The following GLRA3 variants were observed in gnomAD, a reference collection of about 807,000 sequenced individuals.
The protein encoded by GLRA3 is glycine receptor alpha 3, also known as glycine receptor subunit alpha-3.
In GLRA3, 44 loss-of-function variants were observed where a neutral mutation model predicts 60.4. That is an observed-to-expected ratio of 0.73 (90% CI 0.57 to 0.94). GLRA3 has a LOEUF of 0.94. Ranked by LOEUF, GLRA3 falls within the 40% of genes least tolerant of loss-of-function variation. GLRA3 has a pLI of 0.00. For synonymous variants in GLRA3, 223 were observed against 192.9 expected, an observed-to-expected ratio of 1.16 and a Z score of -1.29; for missense variants, 508 against 564.6, an observed-to-expected ratio of 0.90 and a Z score of 1.02.
chr4:174,645,629 T>C (rs1165409199), intron 9 of GLRA3, among the ~76,000 whole-genome samples: 6 of 152,104 alleles, frequency 3.9e-5, no homozygotes, highest in Non-Finnish European at 7.4e-5. Context: ...CAAAAGTATA[T>C]GATTATTGGA....
chr4:174,707,050 T>A (rs1735545323), intron 5 of GLRA3, among the ~76,000 whole-genome samples: 1 of 152,234 alleles, frequency 6.6e-6, no homozygotes, highest in Non-Finnish European at 1.5e-5. Context: ...CTCAGCAAGA[T>A]ATCTGATGAA....
intron 7 of GLRA3, among the ~76,000 whole-genome samples, chr4:174,673,390 C>T (rs968707603): frequency 6.6e-6 from 1 of 152,046 alleles, no homozygotes; most frequent in Non-Finnish European, 1.5e-5. Context: ...ATTATTATTA[C>T]TATCTCCTCT....
chr4:174,670,058 C>T (rs1733844969), intron 7 of GLRA3, among the ~76,000 whole-genome samples: 1 of 152,094 alleles, frequency 6.6e-6, no homozygotes, highest in South Asian at 2.1e-4. Context: ...GGAGTTTTAC[C>T]ATCATTTTTT....
intron 2 of GLRA3, among the ~76,000 whole-genome samples, chr4:174,775,523 GA>G (rs1738565090): frequency 6.6e-6 from 1 of 152,014 alleles, no homozygotes; most frequent in Non-Finnish European, 1.5e-5. Flanking sequence ...GATAACATAA[GA>G]AAACAAAAAT....
At chr4:174,812,230 T>A (rs1303056651) in intron 1 of GLRA3, among the ~76,000 whole-genome samples, 1 of 152,082 alleles carries the variant, frequency 6.6e-6, no homozygotes, top group Non-Finnish European at 1.5e-5. Context: ...TCAATAAGAT[T>A]CAGGACATAA....
At chr4:174,663,881 C>A (rs1561040385) in intron 7 of GLRA3, among the ~76,000 whole-genome samples, 1 of 152,166 alleles carries the variant, frequency 6.6e-6, no homozygotes, top group Non-Finnish European at 1.5e-5. Context: ...ACCACCTTCC[C>A]AAAAGACCCA....
intron 5 of GLRA3, among the ~76,000 whole-genome samples, chr4:174,698,286 G>A (rs545412240): frequency 2.6e-5 from 4 of 152,080 alleles, no homozygotes; most frequent in Non-Finnish European, 5.9e-5. Flanking sequence ...CAAACTCCGG[G>A]ACAAAAGTGA....
At chr4:174,692,520 T>A (rs1238190696) in intron 5 of GLRA3, among the ~76,000 whole-genome samples, 1 of 150,134 alleles carries the variant, frequency 6.7e-6, no homozygotes, top group Non-Finnish European at 1.5e-5. Context: ...GGGGAAAAGA[T>A]TGAGAAATCG....
Position 174,642,099 on chromosome 4 carries a change from TTATA to T in GLRA3, c.*1683_*1686del. The T allele has an allele frequency of 3.4e-6, 3 of 887,186 alleles. No individual in the cohort carries two copies. In the South Asian group the frequency reaches 1.6e-4, roughly 46 times the overall value. 55.0% of individuals were successfully genotyped at this position (887,186 alleles called of 1,614,324 possible). ...TCCTTATAGTGTTGTTTTAAGTTACTTATAAAGGAGGGGAACTTGGTCTTTTACT... is the reference window on the plus strand; with the variant it reads ...TCCTTATAGTGTTGTTTTAAGTTACTAAGGAGGGGAACTTGGTCTTTTACT... On this transcript the variant is annotated 3_prime_UTR_variant, in exon 10 of 10. Coordinates refer to ENST00000274093, the MANE Select transcript of GLRA3 (RefSeq NM_006529.4).
intron 1 of GLRA3, among the ~76,000 whole-genome samples, chr4:174,795,749 T>C (rs1739540660): frequency 6.6e-6 from 1 of 152,192 alleles, no homozygotes. Flanking sequence ...CAGTAAAGTA[T>C]ATAAAACACA....
chr4:174,806,824 C>T (rs72708272), intron 1 of GLRA3, among the ~76,000 whole-genome samples: 19,098 of 151,744 alleles, frequency 0.13, 1,282 homozygotes, highest in South Asian at 0.17. Context: ...CTATAGACAC[C>T]CATATACATA....
rs553306775 is a variant in GLRA3 at position 174,689,756 on chromosome 4, T to TAAAAAAAAAAAAAA, written c.575-6831_575-6818dup. ...AAAGGCACAGAGTGGTAAGTCGCATTAAAAAAAAAAAAAAAAAAAAAAAAA... is the reference window on the plus strand; with the variant it reads ...AAAGGCACAGAGTGGTAAGTCGCATTAAAAAAAAAAAAAAAAAAAAAAAAAAAAAAAAAAAAAAA... On this transcript the variant is annotated intron_variant, in intron 5 of 9. Coordinates refer to ENST00000274093, the MANE Select transcript of GLRA3 (RefSeq NM_006529.4). Among the ~76,000 whole-genome samples, 21 of 39,540 alleles carry TAAAAAAAAAAAAAA rather than the reference T, an allele frequency of 5.3e-4. 5 individuals are homozygous for TAAAAAAAAAAAAAA. Among genetic ancestry groups the TAAAAAAAAAAAAAA allele is most frequent in the Non-Finnish European group, 6.3e-4 (14 of 22,378 alleles). The allele number at this position is 39,540 out of a possible 152,430, so 25.9% of individuals were successfully genotyped here.
chr4:174,689,606 A>T (rs1240502650), intron 5 of GLRA3, among the ~76,000 whole-genome samples: 1 of 151,670 alleles, frequency 6.6e-6, no homozygotes, highest in Non-Finnish European at 1.5e-5. Context: ...TCCTCTGTCT[A>T]TCATTCTACA....
At chr4:174,812,601 G>A (rs975401116) in intron 1 of GLRA3, among the ~76,000 whole-genome samples, 2 of 152,042 alleles carry the variant, frequency 1.3e-5, no homozygotes, top group African/African-American at 4.8e-5. Context: ...GGTAAGGACA[G>A]GTAAATATAG....
intron 1 of GLRA3, among the ~76,000 whole-genome samples, chr4:174,805,087 AG>A (rs1394788377): frequency 6.6e-6 from 1 of 152,052 alleles, no homozygotes; most frequent in Non-Finnish European, 1.5e-5. Flanking sequence ...CTATGTTTGC[AG>A]TTCGATTTTT....
intron 5 of GLRA3, among the ~76,000 whole-genome samples, chr4:174,710,683 A>C (rs2111080502): frequency 6.6e-6 from 1 of 152,268 alleles, no homozygotes; most frequent in East Asian, 1.9e-4. Flanking sequence ...ACTATGACTG[A>C]AAAAGATAGA....
chr4:174,721,043 T>TGTG (rs1420138706), intron 4 of GLRA3, among the ~76,000 whole-genome samples: 96 of 112,948 alleles, frequency 8.5e-4, no homozygotes, highest in African/African-American at 2.9e-3. Context: ...GTGTGTGTGT[T>TGTG]TTTGAGATGG....
At position 174,641,404 on chromosome 4, in the gene GLRA3, G is replaced by A. The variant is rs1732618040; in HGVS notation, c.*2382C>T. On this transcript the variant is annotated 3_prime_UTR_variant, in exon 10 of 10. Transcript: ENST00000274093. ...AAAGGTCTATAAGAGTTCGAAGGAG[G>A]AGACACATTCCTTTAAACATATTGG... The A allele has an allele frequency of 6.6e-6, 1 of 152,040 alleles. No individual in the cohort carries two copies. Among genetic ancestry groups the A allele is most frequent in the African/African-American group, 2.4e-5 (1 of 41,428 alleles). 9.4% of individuals were successfully genotyped at this position (152,040 alleles called of 1,614,324 possible). A position where few individuals can be genotyped will look rare whatever the true frequency, so the allele number is the denominator to read the frequency against.
chr4:174,819,820 G>A (rs566234260), intron 1 of GLRA3, among the ~76,000 whole-genome samples: 1 of 152,246 alleles, frequency 6.6e-6, no homozygotes, highest in Non-Finnish European at 1.5e-5. Flanking sequence ...ACTCTGATAG[G>A]TGCAATAGCA....
Sources: allele counts gnomAD v4.1 joint callset (sites outside exome capture counted in the v4.1 genomes callset), GRCh38; gene constraint gnomAD v4.1.1; transcripts MANE v1.5; gene names NCBI Gene and HGNC (gene_info 2026-07-23, HGNC 2026-07-21).